Variants in CFAP20DC observed in about 807,000 individuals in gnomAD.
CFAP20DC encodes protein CFAP20DC.
In CFAP20DC, 84 loss-of-function variants were observed where a neutral mutation model predicts 101.7. The ratio of observed to expected loss-of-function variants is 0.83; its 90% CI spans 0.69 to 0.99. The LOEUF is 0.99. CFAP20DC is among the 50% of genes least tolerant of loss of function. The pLI is 0.00. For missense variants in CFAP20DC, 1,007 were observed against 970.3 expected (o/e 1.04, Z -0.50); for synonymous variants, 359 against 351.2 (o/e 1.02, Z -0.25).
At position 58,862,131 on chromosome 3, in the gene CFAP20DC, T is replaced by C. The variant is rs73837989; in HGVS notation, c.1593+1427A>G. On this transcript the variant is annotated intron_variant, in intron 12 of 16. Transcript: ENST00000482387. ...CAGATTATCCATAATACTTCTCTCA[T>C]AGTTTTCCAGAGAACTACCATTTCC... The C allele has an allele frequency of 1.1e-3, 1,010 of 946,250 alleles. 11 individuals carry two copies. The African/African-American group carries it at 0.017, about 16-fold the overall frequency. 58.6% of individuals were successfully genotyped at this position (946,250 alleles called of 1,614,324 possible).
chr3:58,941,370 C>T (rs911084233), intron 4 of CFAP20DC, among the ~76,000 whole-genome samples: 1 of 147,036 alleles, frequency 6.8e-6, no homozygotes, highest in South Asian at 2.1e-4. Flanking sequence ...AATTTCACTT[C>T]CCAGTCATTT....
At chr3:58,888,484 T>C (rs990680797) in intron 6 of CFAP20DC, among the ~76,000 whole-genome samples, 1 of 152,138 alleles carries the variant, frequency 6.6e-6, no homozygotes, top group African/African-American at 2.4e-5. Flanking sequence ...TGTGCCAAGG[T>C]GGCTCGCTGC....
chr3:58,889,117 T>A (rs1211407730), intron 6 of CFAP20DC, among the ~76,000 whole-genome samples: 1 of 152,222 alleles, frequency 6.6e-6, no homozygotes, highest in Non-Finnish European at 1.5e-5. Context: ...ATTCTTTATT[T>A]CATTCTAGCT....
At chr3:58,738,176 C>A (rs1002605876), downstream of CFAP20DC, among the ~76,000 whole-genome samples, 1 of 151,950 alleles carries the variant, frequency 6.6e-6, no homozygotes, top group Non-Finnish European at 1.5e-5. The surrounding 1 kb of genome is among the most constrained non-coding windows in gnomAD (Gnocchi z 4.4). Context: ...TGATAACAGG[C>A]AATTCTTTTT....
At chr3:58,744,497 G>A (rs748998956) in intron 16 of CFAP20DC, among the ~76,000 whole-genome samples, 41 of 152,144 alleles carry the variant, frequency 2.7e-4, no homozygotes, top group Non-Finnish European at 4.9e-4. Flanking sequence ...AATAAGTCAG[G>A]TTTGGAAACA....
At chr3:58,719,745 C>A (rs2067444984) in intron 3 of CFAP20DC, among the ~76,000 whole-genome samples, 1 of 152,202 alleles carries the variant, frequency 6.6e-6, no homozygotes. Context: ...GCTCAGGCTT[C>A]CCTGTGTTAC....
intron 16 of CFAP20DC, among the ~76,000 whole-genome samples, chr3:58,748,261 T>C (rs1425634233): frequency 6.6e-6 from 1 of 152,110 alleles, no homozygotes; most frequent in Non-Finnish European, 1.5e-5. Flanking sequence ...CCATAATCTC[T>C]TAGGAGCCTG....
chr3:58,816,858 C>T lies in CFAP20DC; in HGVS notation c.2176-10402G>A, dbSNP rs943136942. ...GGCAGGGCACAGACAAACAAAAAGACAGCAGTAACCTCTGCAGACTTAAGT... is the reference window on the plus strand; with the variant it reads ...GGCAGGGCACAGACAAACAAAAAGATAGCAGTAACCTCTGCAGACTTAAGT... On this transcript the variant is annotated intron_variant, in intron 14 of 16. Transcript: ENST00000482387. Among the ~76,000 whole-genome samples, 269 of 152,318 alleles carry T rather than the reference C, an allele frequency of 1.8e-3. 1 individual carries two copies. Among genetic ancestry groups the T allele is most frequent in the African/African-American group, 6.1e-3 (254 of 41,588 alleles).
chr3:58,889,534 CT>C (rs869294212), intron 6 of CFAP20DC, among the ~76,000 whole-genome samples: 1 of 105,572 alleles, frequency 9.5e-6, no homozygotes, highest in African/African-American at 6.0e-5. Flanking sequence ...TTTTTTTTTT[CT>C]TTTTTTCTTT....
chr3:58,846,616 TC>T (rs1288907109), intron 13 of CFAP20DC, among the ~76,000 whole-genome samples: 7 of 151,152 alleles, frequency 4.6e-5, no homozygotes, highest in Non-Finnish European at 8.8e-5. Flanking sequence ...TTCAATGCCA[TC>T]CCCATCAAGC....
intron 5 of CFAP20DC, among the ~76,000 whole-genome samples, chr3:58,936,247 T>C (rs946543581): frequency 5.3e-5 from 8 of 152,044 alleles, no homozygotes; most frequent in Non-Finnish European, 2.9e-5. Context: ...CCAGTTAGAA[T>C]GGCAATCATT....
intron 4 of CFAP20DC, among the ~76,000 whole-genome samples, chr3:58,952,313 G>C (rs1559887614): frequency 1.3e-5 from 2 of 152,152 alleles, no homozygotes. Context: ...ATGCTGCTCT[G>C]AGTAGTGTGA....
At chr3:58,764,141 C>T (rs1371775251) in intron 15 of CFAP20DC, among the ~76,000 whole-genome samples, 1 of 152,212 alleles carries the variant, frequency 6.6e-6, no homozygotes, top group Non-Finnish European at 1.5e-5. Flanking sequence ...GAGGTGGAGT[C>T]TACAGAGACA....
intron 3 of CFAP20DC, among the ~76,000 whole-genome samples, chr3:58,720,326 C>T (rs1352186353): frequency 6.6e-6 from 1 of 152,202 alleles, no homozygotes; most frequent in Non-Finnish European, 1.5e-5. Flanking sequence ...TCAGTTTCCT[C>T]ATCTCTCAAG....
In CFAP20DC at chr3:58,866,632, C is replaced by A; in HGVS notation, c.1192G>T (p.Val398Leu). ...AACAGCTCTGCTCCTTGTTGGGACACAGTGGTGAGGATAGTTGATGCTTTA... is the reference window on the plus strand; with the variant it reads ...AACAGCTCTGCTCCTTGTTGGGACAAAGTGGTGAGGATAGTTGATGCTTTA... ...EDKASTILTTVSQQGAELLNS... is the reference protein window; with the variant it reads ...EDKASTILTTLSQQGAELLNS... The change falls in exon 11 of 17, where the codon GTG becomes TTG. Residue 398 changes from valine (V) to leucine (L), a missense_variant. Val to Leu is a conservative substitution (Grantham distance 32). Coordinates refer to ENST00000482387, the MANE Select transcript of CFAP20DC (RefSeq NM_001394063.1). 6.2e-7 allele frequency: 1 copy of A among 1,607,242 alleles called. No individual in the cohort carries two copies. The highest frequency in any genetic ancestry group is 8.5e-7 in the Non-Finnish European group (1 of 1,173,854).
chr3:58,824,831 C>CTT (rs80121434), intron 14 of CFAP20DC, among the ~76,000 whole-genome samples: 4 of 140,240 alleles, frequency 2.9e-5, no homozygotes, highest in African/African-American at 5.2e-5. Flanking sequence ...TATGGGAATT[C>CTT]TTTTTTTTTT....
In CFAP20DC at chr3:58,927,340, C is replaced by T. The variant is rs938532354; in HGVS notation, c.393+10308G>A. ...AAAAACCAAGGCAAAGTGGACCATT[C>T]GGCAATTATCCTGTAAATCAAGGGT... On this transcript the variant is annotated intron_variant, in intron 5 of 16. Coordinates refer to ENST00000482387, the MANE Select transcript of CFAP20DC (RefSeq NM_001394063.1). Among the ~76,000 whole-genome samples, 4 of 152,096 alleles carry T rather than the reference C, an allele frequency of 2.6e-5. No individual in the cohort carries two copies. The East Asian group carries it at 7.7e-4, about 29-fold the overall frequency.
At chr3:58,960,323 T>A (rs2091024606) in intron 4 of CFAP20DC, among the ~76,000 whole-genome samples, 3 of 150,820 alleles carry the variant, frequency 2.0e-5, no homozygotes, top group Admixed American at 2.0e-4. Context: ...AGAAACCCCA[T>A]CTCTACTGAA....
In CFAP20DC at chr3:58,810,841, G is replaced by C. The variant is rs866049844; in HGVS notation, c.2176-4385C>G. Among the ~76,000 whole-genome samples the C allele has an allele frequency of 8.9e-4, 135 of 151,826 alleles. No homozygotes were observed. The Middle Eastern group carries it at 0.01, about 11-fold the overall frequency. On this transcript the variant is annotated intron_variant, in intron 14 of 16. Transcript: ENST00000482387. ...GTCCAAAATCTCCTTAAGCTGATAA[G>C]CAACTTCAGCAAAGTCTCAGGATAC...
Sources: gnomAD v4.1 joint callset for allele counts (sites outside exome capture counted in the v4.1 genomes callset) on GRCh38, gnomAD v4.1.1 for gene constraint, Gnocchi (gnomAD v3.1) non-coding constraint, MANE v1.5 for transcripts, NCBI Gene and HGNC (gene_info 2026-07-23, HGNC 2026-07-21) for gene names.